DNAH17: variants seen among roughly 807,000 people sequenced by gnomAD.
DNAH17 encodes axonemal beta dynein heavy chain 17.
A neutral mutation model predicts 485.6 loss-of-function variants in DNAH17; 376 were observed. That is an observed-to-expected ratio of 0.77 (90% CI 0.71 to 0.84). DNAH17 has a LOEUF of 0.84. DNAH17 is among the 40% of genes least tolerant of loss of function. The probability of loss-of-function intolerance (pLI) is 0.00; values close to 1 mark genes in which losing one functional copy is unlikely to be tolerated. For missense variants in DNAH17, 6,370 were observed against 5,839.3 expected, an observed-to-expected ratio of 1.09 and a Z score of -2.96; for synonymous variants, 3,031 against 2,405.9, an observed-to-expected ratio of 1.26 and a Z score of -7.60.
intron 22 of DNAH17, among the ~76,000 whole-genome samples, chr17:78,527,414 T>C (rs79516318): frequency 0.014 from 2,072 of 152,206 alleles, 18 homozygotes; most frequent in Admixed American, 0.041. Flanking sequence ...ACCAGCCTCC[T>C]TAATGGCGAA....
In DNAH17 at chr17:78,468,535, T is replaced by C. The variant is rs150449415; in HGVS notation, c.8778+82A>G. ...CCATGAAGGATCAGTCCTCCTGCTC[T>C]ATGCAGAGCAAAAACCCATACCCTG... On this transcript the variant is annotated intron_variant, in intron 55 of 80. Transcript: ENST00000389840. 603 of 1,485,844 alleles carry C rather than the reference T, an allele frequency of 4.1e-4. No individual in the cohort carries two copies. The African/African-American group carries it at 7.0e-3, about 17-fold the overall frequency. 92.0% of individuals were successfully genotyped at this position (1,485,844 alleles called of 1,614,324 possible). A position where few individuals can be genotyped will look rare whatever the true frequency, so the allele number is the denominator to read the frequency against.
rs906462262 is a variant in DNAH17, at chr17:78,493,950, C to T, written c.6408+86G>A. On this transcript the variant is annotated intron_variant, in intron 41 of 80. Coordinates refer to ENST00000389840, the MANE Select transcript of DNAH17 (RefSeq NM_173628.4). ...TACTGGGTTGGGGTCTCCGGGGTGG[C>T]GGGGAGTGATGGAGGGCCGACCCTT... 24 of 1,490,590 alleles carry T rather than the reference C, an allele frequency of 1.6e-5. 1 individual carries two copies. The highest frequency in any genetic ancestry group is 5.3e-5 in the South Asian group (4 of 75,672). 92.3% of individuals were successfully genotyped at this position (1,490,590 alleles called of 1,614,324 possible).
At chr17:78,540,687 T>C (rs1383857364) in intron 17 of DNAH17, among the ~76,000 whole-genome samples, 1 of 50,600 alleles carries the variant, frequency 2.0e-5, no homozygotes, top group Non-Finnish European at 3.7e-5. Context: ...GACAGATGGA[T>C]GGGTGGATGG....
chr17:78,514,587 C>G (rs2090729035), intron 26 of DNAH17, among the ~76,000 whole-genome samples, 187 bp downstream of exon 26: 1 of 152,110 alleles, frequency 6.6e-6, no homozygotes, highest in South Asian at 2.1e-4. Context: ...GCCTGCCCCA[C>G]CACCCCCAAC....
At chr17:78,521,260 G>T (rs1196213547) in intron 25 of DNAH17, among the ~76,000 whole-genome samples, 1 of 152,070 alleles carries the variant, frequency 6.6e-6, no homozygotes, top group Non-Finnish European at 1.5e-5. Context: ...ACAAAAATTA[G>T]CTGGGTGGAG....
At chr17:78,439,662 TCA>T (rs1225005499) in intron 72 of DNAH17, among the ~76,000 whole-genome samples, 1 of 132,138 alleles carries the variant, frequency 7.6e-6, no homozygotes, top group African/African-American at 2.8e-5. Flanking sequence ...TATCAGTACT[TCA>T]CTTTTTTTTT....
In DNAH17 at chr17:78,529,484, G is replaced by C. The variant is rs1182632381; in HGVS notation, c.3495C>G (p.His1165Gln). 3.1e-6 allele frequency: 5 copies of C among 1,613,896 alleles called. No individual in the cohort carries two copies. Among genetic ancestry groups the C allele is most frequent in the Non-Finnish European group, 4.2e-6 (5 of 1,179,860 alleles). ...ACCCACCACGTACCTGCAGCTTCAA[G>C]TGGATCTCCTCTGGCATCTCCTCCC... ...TYGEEMPEEI[H>Q]LKLQELPEHW... The change falls in exon 22 of 81, where the codon CAC becomes CAG. Residue 1165 changes from histidine (H) to glutamine (Q), a missense_variant. His to Gln is a conservative substitution (Grantham distance 24). Transcript: ENST00000389840.
intron 31 of DNAH17, among the ~76,000 whole-genome samples, chr17:78,503,261 G>C (rs1435985982): frequency 7.4e-6 from 1 of 134,864 alleles, no homozygotes; most frequent in African/African-American, 2.8e-5. Context: ...CTCATTGCAA[G>C]CTCCACCTCC....
intron 44 of DNAH17, among the ~76,000 whole-genome samples, chr17:78,488,437 C>T (rs2089708055): frequency 6.6e-6 from 1 of 152,158 alleles, no homozygotes; most frequent in South Asian, 2.1e-4. Context: ...TGGAGGTGTC[C>T]AGTTCCTGCC....
rs370537934 is a variant in DNAH17 at position 78,532,662 on chromosome 17, C to A, written c.2934G>T (p.Lys978Asn). ...AGGAATCCTGGTACTCCTCGGCCTC[C>A]TTCATGGCATTGATGACCAGGCTGG... The part of the protein sequence containing the change: ...EVSSLVINAM[K>N]EAEEYQDSFE... The change falls in exon 20 of 81, where the codon AAG becomes AAT. Residue 978 changes from lysine to asparagine, a missense_variant. Transcript: ENST00000389840. The A allele has an allele frequency of 6.3e-7, 1 of 1,595,440 alleles. No individual in the cohort carries two copies. The highest frequency in any genetic ancestry group is 1.3e-5 in the African/African-American group (1 of 74,630).
Position 78,539,825 on chromosome 17 carries a change from A to G in DNAH17, c.2588T>C (p.Val863Ala). Residue 863 changes from valine (V) to alanine (A), a missense_variant, in exon 18 of 81, where the codon GTC (valine) becomes GCC (alanine). Coordinates refer to ENST00000389840, the MANE Select transcript of DNAH17 (RefSeq NM_173628.4). Reference sequence around the variant, plus strand: ...TAAGACCATGTCGTCAATGTAGATGACATAATCCTTCCAGGGCAGGCTCAG... The same window carrying G: ...TAAGACCATGTCGTCAATGTAGATGGCATAATCCTTCCAGGGCAGGCTCAG... Reference protein sequence around the residue: ...DTLSLPWKDYVIYIDDMVLDE... With the variant: ...DTLSLPWKDYAIYIDDMVLDE... 1 of 1,611,688 alleles carries G rather than the reference A, an allele frequency of 6.2e-7. No individual in the cohort carries two copies.
chr17:78,544,134 A>C, intron 16 of DNAH17, 137 bp from the exon 17 acceptor site: 1 of 1,270,036 alleles, frequency 7.9e-7, no homozygotes, highest in South Asian at 1.4e-5. Flanking sequence ...TCCACGATCC[A>C]TGCCCATCAG....
At chr17:78,487,974 C>T (rs141586789) in intron 44 of DNAH17, among the ~76,000 whole-genome samples, 163 of 152,288 alleles carry the variant, frequency 1.1e-3, no homozygotes, top group Non-Finnish European at 1.9e-3. Flanking sequence ...TGTCCCTAAG[C>T]GAATCAGGGT....
At chr17:78,432,614 C>T (rs1365873419) in intron 75 of DNAH17, among the ~76,000 whole-genome samples, 2 of 152,238 alleles carry the variant, frequency 1.3e-5, no homozygotes, top group African/African-American at 2.4e-5. Flanking sequence ...CTGTCACAGC[C>T]TCCCAGGCCA....
rs555155511 is a variant in DNAH17 at position 78,498,617 on chromosome 17, G to A, written c.5745+391C>T. 5.3e-5 allele frequency among the ~76,000 whole-genome samples: 8 copies of A among 152,276 alleles called. No individual in the cohort carries two copies. In the South Asian group the frequency reaches 6.2e-4, roughly 12 times the overall value. On this transcript the variant is annotated intron_variant, in intron 37 of 80. Coordinates refer to ENST00000389840, the MANE Select transcript of DNAH17 (RefSeq NM_173628.4). ...ATGGTTGTTCCCAAAACACACGGGC[G>A]CATTTCCTCCCTCCTCCTCTTCCTC...
At chr17:78,454,741 T>C in intron 63 of DNAH17, 36 bp from the exon 64 acceptor site, 1 of 1,548,944 alleles carries the variant, frequency 6.5e-7, no homozygotes, top group Non-Finnish European at 8.9e-7. Flanking sequence ...GAGGGGGTAA[T>C]GCGACCTTAT....
chr17:78,466,644 C>T lies in DNAH17; in HGVS notation c.8940+11G>A. 6.2e-7 allele frequency: 1 copy of T among 1,601,690 alleles called. No individual in the cohort carries two copies. The highest frequency in any genetic ancestry group is 8.5e-7 in the Non-Finnish European group (1 of 1,174,132). Reference sequence around the variant, plus strand: ...CTCTACACTCAGGCAGAGGTGGCCTCAGTGACTCACCGGAATCCCCTCAGT... The same window carrying T: ...CTCTACACTCAGGCAGAGGTGGCCTTAGTGACTCACCGGAATCCCCTCAGT... On this transcript the variant is annotated intron_variant, in intron 56 of 80. Transcript: ENST00000389840.
intron 62 of DNAH17, among the ~76,000 whole-genome samples, chr17:78,456,802 A>G (rs2087822624): frequency 6.6e-6 from 1 of 152,132 alleles, no homozygotes; most frequent in African/African-American, 2.4e-5. Flanking sequence ...TAAATCCCTC[A>G]TACCCGGGGC....
intron 41 of DNAH17, 146 bp from the exon 42 acceptor site, chr17:78,492,911 G>A: frequency 1.1e-6 from 1 of 876,484 alleles, no homozygotes; most frequent in Non-Finnish European, 1.6e-6. Context: ...GAGTGCAGTG[G>A]TGTGATCTCA....
Sources: allele counts gnomAD v4.1 joint callset (sites outside exome capture counted in the v4.1 genomes callset), GRCh38; gene constraint gnomAD v4.1.1; transcripts MANE v1.5; gene names NCBI Gene and HGNC (gene_info 2026-07-23, HGNC 2026-07-21).